FHIT: variants seen among roughly 807,000 people sequenced by gnomAD.
FHIT encodes the protein bis(5'-adenosyl)-triphosphatase.
In FHIT, 19 loss-of-function variants were observed where a neutral mutation model predicts 17.9. That is an observed-to-expected ratio of 1.06 (90% confidence interval 0.74 to 1.56). The LOEUF is 1.56. Among genes scored for constraint, FHIT ranks in the 40% most tolerant of loss-of-function variants. The pLI is 0.00. For synonymous variants in FHIT, 81 were observed against 69.7 expected, an observed-to-expected ratio of 1.16 and a Z score of -0.81; for missense variants, 248 against 189.2, an observed-to-expected ratio of 1.31 and a Z score of -1.82.
At chr3:60,144,195 A>G (rs1267042257) in intron 5 of FHIT, among the ~76,000 whole-genome samples, 1 of 152,210 alleles carries the variant, frequency 6.6e-6, no homozygotes, top group East Asian at 1.9e-4. Flanking sequence ...TGTTATGGGG[A>G]CTTATTCATT....
chr3:61,243,845 T>C (rs1425487419), intron 1 of FHIT, among the ~76,000 whole-genome samples: 1 of 152,078 alleles, frequency 6.6e-6, no homozygotes, highest in Non-Finnish European at 1.5e-5. Flanking sequence ...AGAAAGAGTG[T>C]CCCTGGTAGT....
chr3:59,872,626 A>G (rs1158663031), intron 8 of FHIT, among the ~76,000 whole-genome samples: 2 of 152,190 alleles, frequency 1.3e-5, no homozygotes, highest in African/African-American at 2.4e-5. Context: ...GAATGGATAT[A>G]TAGTTTTTTA....
intron 5 of FHIT, among the ~76,000 whole-genome samples, chr3:60,092,278 T>C (rs965374755): frequency 6.6e-6 from 1 of 152,166 alleles, no homozygotes; most frequent in Non-Finnish European, 1.5e-5. Flanking sequence ...CTTGGTACCA[T>C]GTGAGTTTTG....
At chr3:61,113,968 C>G (rs925342751) in intron 2 of FHIT, among the ~76,000 whole-genome samples, 1 of 152,140 alleles carries the variant, frequency 6.6e-6, no homozygotes, top group Admixed American at 6.6e-5. Context: ...ACAAGAGCAA[C>G]TATTATTACC....
At chr3:59,755,670 C>A (rs1201908889) in intron 8 of FHIT, among the ~76,000 whole-genome samples, 1 of 152,186 alleles carries the variant, frequency 6.6e-6, no homozygotes, top group African/African-American at 2.4e-5. Context: ...AACACTGAAC[C>A]AGACAGACTC....
intron 3 of FHIT, among the ~76,000 whole-genome samples, chr3:61,038,728 A>T (rs2033370717): frequency 6.6e-6 from 1 of 152,200 alleles, no homozygotes; most frequent in South Asian, 2.1e-4. Context: ...AGAAAAAGAA[A>T]GGAGGGGAGG....
chr3:60,246,138 T>A (rs935522020), intron 5 of FHIT, among the ~76,000 whole-genome samples: 1 of 152,058 alleles, frequency 6.6e-6, no homozygotes, highest in South Asian at 2.1e-4. Context: ...TAAAGAGGCA[T>A]TGCAGTAATA....
At chr3:60,244,218 T>C (rs1705275646) in intron 5 of FHIT, among the ~76,000 whole-genome samples, 1 of 152,084 alleles carries the variant, frequency 6.6e-6, no homozygotes, top group Non-Finnish European at 1.5e-5. Flanking sequence ...TCAGTTATTA[T>C]ACTTCATATT....
intron 8 of FHIT, among the ~76,000 whole-genome samples, chr3:59,847,493 C>T (rs1168851640): frequency 6.6e-6 from 1 of 152,068 alleles, no homozygotes; most frequent in African/African-American, 2.4e-5. Context: ...TCTTGACTTT[C>T]CCCAATTATT....
At chr3:61,192,342 C>T (rs976659033) in intron 2 of FHIT, among the ~76,000 whole-genome samples, 1 of 152,194 alleles carries the variant, frequency 6.6e-6, no homozygotes, top group African/African-American at 2.4e-5. Context: ...AAATAATTGA[C>T]AGTGCTTAGC....
intron 7 of FHIT, among the ~76,000 whole-genome samples, chr3:59,986,511 A>T (rs13088031): frequency 0.43 from 4,287 of 9,910 alleles, 281 homozygotes; most frequent in East Asian, 0.5. Flanking sequence ...ATATATATAT[A>T]TATATATATA....
chr3:60,107,929 G>A (rs1023886703), intron 5 of FHIT, among the ~76,000 whole-genome samples: 1 of 152,188 alleles, frequency 6.6e-6, no homozygotes, highest in African/African-American at 2.4e-5. Flanking sequence ...TTATCTGTTT[G>A]ACCAGATTTA....
chr3:59,794,405 TAC>T (rs1307611382), intron 8 of FHIT, among the ~76,000 whole-genome samples: 1 of 152,204 alleles, frequency 6.6e-6, no homozygotes, highest in Non-Finnish European at 1.5e-5. Context: ...AGATGAAACT[TAC>T]AGAGGAGATA....
intron 4 of FHIT, among the ~76,000 whole-genome samples, chr3:60,569,763 T>A (rs1576898895): frequency 1.7e-5 from 1 of 57,162 alleles, no homozygotes; most frequent in African/African-American, 7.2e-5. Flanking sequence ...ATATTTTTTT[T>A]TTTTTTAGAC....
intron 4 of FHIT, chr3:60,732,032 T>A (rs547874704): frequency 2.2e-6 from 1 of 450,298 alleles, no homozygotes; most frequent in East Asian, 4.1e-5. Flanking sequence ...CCAAAGGGAA[T>A]TGCAGCGACA....
intron 5 of FHIT, among the ~76,000 whole-genome samples, chr3:60,040,612 G>C (rs1012350262): frequency 6.6e-6 from 1 of 152,098 alleles, no homozygotes; most frequent in Non-Finnish European, 1.5e-5. Flanking sequence ...TCATGCTTCA[G>C]AATCTGTGAA....
intron 5 of FHIT, among the ~76,000 whole-genome samples, chr3:60,309,704 G>C (rs1708853339): frequency 6.6e-6 from 1 of 152,030 alleles, no homozygotes; most frequent in African/African-American, 2.4e-5. Flanking sequence ...CAAACCATCT[G>C]AGATCCTATA....
chr3:60,438,213 T>G lies in FHIT; in HGVS notation c.103+98647A>C, dbSNP rs185544453. On this transcript the variant is annotated intron_variant, in intron 5 of 9. Transcript: ENST00000492590. ...CTGGAGGGAGCATGCACATGTGATT[T>G]CACCTGTCCTCAGACTGACCCTGTG... Among the ~76,000 whole-genome samples, 18 of 152,152 alleles carry G rather than the reference T, an allele frequency of 1.2e-4. No individual in the cohort carries two copies. In the East Asian group the frequency reaches 3.5e-3, roughly 30 times the overall value.
At chr3:60,395,657 G>C (rs1022074398) in intron 5 of FHIT, among the ~76,000 whole-genome samples, 1 of 152,102 alleles carries the variant, frequency 6.6e-6, no homozygotes, top group Admixed American at 6.6e-5. Context: ...AAAGAAAGGG[G>C]CCTAAAAGGG....
Sources: gnomAD v4.1 joint callset for allele counts (sites outside exome capture counted in the v4.1 genomes callset) on GRCh38, gnomAD v4.1.1 for gene constraint, MANE v1.5 for transcripts, NCBI Gene and HGNC (gene_info 2026-07-23, HGNC 2026-07-21) for gene names.